The following ATF7IP variants were observed in gnomAD, a reference collection of about 807,000 sequenced individuals.
ATF7IP encodes activating transcription factor 7-interacting protein 1.
A neutral mutation model predicts 106.4 loss-of-function variants in ATF7IP; 23 were observed. The observed-to-expected ratio is 0.22, with a 90% CI of 0.16 to 0.31. ATF7IP has a LOEUF of 0.31. Among genes scored for constraint, ATF7IP ranks in the 10% least tolerant of loss-of-function variants. The pLI is 1.00. For synonymous variants in ATF7IP, 542 were observed against 539.0 expected, an observed-to-expected ratio of 1.01 and a Z score of -0.08; for missense variants, 1,334 against 1,524.3, an observed-to-expected ratio of 0.88 and a Z score of 2.08.
At chr12:14,494,336 T>TGG (rs1944937915) in intron 13 of ATF7IP, among the ~76,000 whole-genome samples, 1 of 119,610 alleles carries the variant, frequency 8.4e-6, no homozygotes, top group African/African-American at 3.1e-5. Context: ...TATATATATG[T>TGG]GTGTGTGTAT....
intron 1 of ATF7IP, among the ~76,000 whole-genome samples, chr12:14,407,137 G>A (rs1403756213): frequency 2.0e-5 from 3 of 152,138 alleles, no homozygotes; most frequent in African/African-American, 7.2e-5. Flanking sequence ...CTTTCGTAGT[G>A]TCAAATATAT....
chr12:14,427,594 G>C (rs148297614), intron 2 of ATF7IP, among the ~76,000 whole-genome samples: 90 of 152,254 alleles, frequency 5.9e-4, no homozygotes, highest in African/African-American at 2.1e-3. Flanking sequence ...TCAAACTCCT[G>C]ACCTCGTGAT....
intron 6 of ATF7IP, among the ~76,000 whole-genome samples, chr12:14,454,689 A>G (rs1441638500): frequency 1.3e-5 from 2 of 152,166 alleles, no homozygotes; most frequent in South Asian, 4.1e-4. Context: ...TATGATGCTT[A>G]TCTTGTTAAG....
At chr12:14,468,219 G>T (rs1943903996) in intron 10 of ATF7IP, among the ~76,000 whole-genome samples, 1 of 143,772 alleles carries the variant, frequency 7.0e-6, no homozygotes, top group South Asian at 2.2e-4. Context: ...AGTGAGCTGA[G>T]ATCATACCAC....
intron 1 of ATF7IP, among the ~76,000 whole-genome samples, chr12:14,381,501 G>A (rs917384529): frequency 2.6e-5 from 4 of 152,186 alleles, no homozygotes; most frequent in Non-Finnish European, 4.4e-5. Context: ...AGAGTGTAGG[G>A]ATTACAGGCT....
chr12:14,437,640 C>T (rs1369517424), intron 4 of ATF7IP, among the ~76,000 whole-genome samples: 1 of 152,104 alleles, frequency 6.6e-6, no homozygotes, highest in South Asian at 2.1e-4. Flanking sequence ...ATGTATTACC[C>T]TCTTGAAGTA....
Position 14,418,621 on chromosome 12 carries a change from G to A in ATF7IP, c.-7-5288G>A, listed in dbSNP as rs1244307542. Among the ~76,000 whole-genome samples the A allele has an allele frequency of 2.6e-5, 4 of 152,236 alleles. No individual in the cohort carries two copies. In the East Asian group the frequency reaches 5.8e-4, roughly 22 times the overall value. On this transcript the variant is annotated intron_variant, in intron 1 of 14. Transcript: ENST00000261168. ...TGTGTATCTTTCTCAAATATGCTTC[G>A]CTAATGCAAAATACATTTCTAAAAG...
chr12:14,449,016 T>TA (rs1437919244), intron 6 of ATF7IP, among the ~76,000 whole-genome samples: 1 of 152,172 alleles, frequency 6.6e-6, no homozygotes, highest in African/African-American at 2.4e-5. Context: ...TTGTTGTTGT[T>TA]ACTAAGTTGT....
At chr12:14,396,127 T>C (rs1269349523) in intron 1 of ATF7IP, among the ~76,000 whole-genome samples, 1 of 151,888 alleles carries the variant, frequency 6.6e-6, no homozygotes, top group Non-Finnish European at 1.5e-5. Context: ...GGGTGAAGAG[T>C]TGAATAGCAG....
In ATF7IP at chr12:14,481,131, T is replaced by C; in HGVS notation, c.3226T>C (p.Leu1076=). ...TCCTGCACCACCAGCTCAGGCTCCC[T>C]TGCGAGGAACTGTTATGCAGGCTCC... ...TLPAPPAQAP[L]RGTVMQAPAV... Residue 1076 remains leucine, a synonymous_variant, in exon 13 of 15, where the codon TTG becomes CTG. Transcript: ENST00000261168. 1 of 1,614,036 alleles carries C rather than the reference T, an allele frequency of 6.2e-7. No individual in the cohort carries two copies. The highest frequency in any genetic ancestry group is 1.3e-5 in the African/African-American group (1 of 75,024).
chr12:14,365,942 G>A (rs907156906), intron 1 of ATF7IP, 115 bp downstream of exon 1: 1 of 152,388 alleles, frequency 6.6e-6, no homozygotes, highest in Non-Finnish European at 1.5e-5. Flanking sequence ...CGCCTGCGCG[G>A]TTGCGGAGCT....
At chr12:14,411,782 T>G (rs1264037989) in intron 1 of ATF7IP, among the ~76,000 whole-genome samples, 1 of 152,160 alleles carries the variant, frequency 6.6e-6, no homozygotes, top group South Asian at 2.1e-4. Flanking sequence ...TTAATTTTGA[T>G]GAAGTTCAGT....
Position 14,438,385 on chromosome 12 carries a change from A to G in ATF7IP, c.1929+118A>G, listed in dbSNP as rs1039299678. ...ATTTAAATTCTAAATGTAAGAAGGA[A>G]AAGGAGTTTGTTTAGTTTGCCAGGG... On this transcript the variant is annotated intron_variant, in intron 5 of 14. Transcript: ENST00000261168. The G allele has an allele frequency of 2.3e-5, 24 of 1,050,614 alleles. No homozygotes were observed. The Admixed American group carries it at 6.6e-4, about 29-fold the overall frequency. The allele number at this position is 1,050,614 out of a possible 1,614,324, so 65.1% of individuals were successfully genotyped here.
At chr12:14,455,303 C>T (rs1467232661) in intron 6 of ATF7IP, among the ~76,000 whole-genome samples, 1 of 150,818 alleles carries the variant, frequency 6.6e-6, no homozygotes, top group Non-Finnish European at 1.5e-5. Flanking sequence ...GTGCTTTTCT[C>T]TTGTTTTACA....
chr12:14,429,359 C>T (rs1286145074), intron 2 of ATF7IP, among the ~76,000 whole-genome samples: 1 of 152,048 alleles, frequency 6.6e-6, no homozygotes. Flanking sequence ...TTTGGCCTTT[C>T]TCATTCTATT....
chr12:14,391,332 T>C lies in ATF7IP; in HGVS notation c.-8+25505T>C, dbSNP rs1939537006. ...TGCATCTGCCTGAGGGAATCTTGTCTTTCCTTCTGAAGTAAGGCAGATACA... is the reference window on the plus strand; with the variant it reads ...TGCATCTGCCTGAGGGAATCTTGTCCTTCCTTCTGAAGTAAGGCAGATACA... On this transcript the variant is annotated intron_variant, in intron 1 of 14. Transcript: ENST00000261168. Among the ~76,000 whole-genome samples the C allele has an allele frequency of 2.0e-5, 3 of 152,232 alleles. No individual in the cohort carries two copies. In the South Asian group the frequency reaches 6.2e-4, roughly 31 times the overall value.
At chr12:14,372,282 G>A (rs1938564198) in intron 1 of ATF7IP, among the ~76,000 whole-genome samples, 1 of 152,068 alleles carries the variant, frequency 6.6e-6, no homozygotes, top group Admixed American at 6.5e-5. Flanking sequence ...AGCTTGCATG[G>A]TGGAAACCAT....
chr12:14,469,015 C>T (rs1357487598), intron 10 of ATF7IP, among the ~76,000 whole-genome samples: 5 of 152,092 alleles, frequency 3.3e-5, no homozygotes, highest in Non-Finnish European at 7.4e-5. Context: ...CTTCATTTTT[C>T]TGTCCCAAGC....
At chr12:14,395,045 G>A (rs1939762175) in intron 1 of ATF7IP, 1 of 151,860 alleles carries the variant, frequency 6.6e-6, no homozygotes, top group African/African-American at 2.4e-5. Context: ...CCCAACAGAT[G>A]TGAACCACTA....
Sources: allele counts gnomAD v4.1 joint callset (sites outside exome capture counted in the v4.1 genomes callset), GRCh38; gene constraint gnomAD v4.1.1; transcripts MANE v1.5; gene names NCBI Gene and HGNC (gene_info 2026-07-23, HGNC 2026-07-21).